TANC2: variants seen among roughly 807,000 people sequenced by gnomAD.
The protein encoded by TANC2 is tetratricopeptide repeat, ankyrin repeat and coiled-coil containing 2.
TANC2 carries 26 observed loss-of-function variants against 210.5 expected under a neutral mutation model. The ratio of observed to expected loss-of-function variants is 0.12; its 90% CI spans 0.09 to 0.17. TANC2 has a LOEUF of 0.17. TANC2 is among the 10% of genes least tolerant of loss of function. The probability of loss-of-function intolerance (pLI) is 1.00; values close to 1 mark genes in which losing one functional copy is unlikely to be tolerated. For synonymous variants in TANC2, 931 were observed against 967.1 expected (o/e 0.96, Z 0.69); for missense variants, 2,129 against 2,608.9 (o/e 0.82, Z 4.01).
chr17:63,167,497 GCTTAT>G (rs971992541), intron 5 of TANC2, among the ~76,000 whole-genome samples: 6 of 151,878 alleles, frequency 4.0e-5, no homozygotes, highest in Admixed American at 2.6e-4. Flanking sequence ...CTTAATTTTT[GCTTAT>G]CTTTAGTTCA....
intron 2 of TANC2, among the ~76,000 whole-genome samples, chr17:63,019,295 G>T (rs1177597296): frequency 1.3e-5 from 2 of 152,114 alleles, no homozygotes; most frequent in African/African-American, 4.8e-5. Context: ...ATGACTCACT[G>T]CAACCTCTGC....
chr17:63,094,176 G>A (rs1331631592), intron 3 of TANC2, among the ~76,000 whole-genome samples: 3 of 151,684 alleles, frequency 2.0e-5, no homozygotes, highest in Admixed American at 2.0e-4. Context: ...AGATACCTTA[G>A]AATTTTTACA....
chr17:63,287,095 G>T (rs1828268325), intron 9 of TANC2, among the ~76,000 whole-genome samples: 12 of 151,966 alleles, frequency 7.9e-5, no homozygotes, highest in Admixed American at 7.9e-4. Flanking sequence ...ACCACACTTG[G>T]CTAATTTTTC....
intron 4 of TANC2, among the ~76,000 whole-genome samples, chr17:63,144,730 C>T (rs1009273725): frequency 1.3e-5 from 2 of 151,908 alleles, no homozygotes; most frequent in Non-Finnish European, 2.9e-5. Context: ...TACTTTGCAG[C>T]TGTGTATTAA....
At chr17:63,314,779 T>A in intron 10 of TANC2, 110 bp downstream of exon 10, 8 of 1,329,588 alleles carry the variant, frequency 6.0e-6, no homozygotes, top group Non-Finnish European at 8.3e-6. Context: ...AAACCTGACT[T>A]CCACGTGAGG....
intron 4 of TANC2, among the ~76,000 whole-genome samples, chr17:63,119,104 A>C (rs1043393455): frequency 1.3e-5 from 2 of 151,802 alleles, no homozygotes; most frequent in Non-Finnish European, 2.9e-5. Context: ...TTTTTAAAAC[A>C]TTTTTATAGA....
intron 1 of TANC2, chr17:62,967,009 C>CG (rs2031381375): frequency 6.6e-6 from 1 of 152,222 alleles, no homozygotes; most frequent in East Asian, 1.9e-4. Context: ...CTCTGGATGA[C>CG]GGGGACCAAG....
At chr17:63,180,914 C>T (rs2040758615) in intron 5 of TANC2, among the ~76,000 whole-genome samples, 1 of 147,900 alleles carries the variant, frequency 6.8e-6, no homozygotes, top group South Asian at 2.1e-4. Context: ...GTCCCAGCTA[C>T]TAGGGAGGCT....
intron 7 of TANC2, among the ~76,000 whole-genome samples, chr17:63,219,845 T>G (rs955256834): frequency 1.3e-5 from 2 of 152,192 alleles, no homozygotes; most frequent in African/African-American, 2.4e-5. Flanking sequence ...AACGACCTGA[T>G]ATTATCATTT....
chr17:63,187,551 T>TTTA (rs1555600758), intron 5 of TANC2, among the ~76,000 whole-genome samples: 6 of 150,994 alleles, frequency 4.0e-5, no homozygotes, highest in South Asian at 2.1e-4. Flanking sequence ...ATTATGTTTT[T>TTTA]TATATATATA....
intron 2 of TANC2, among the ~76,000 whole-genome samples, chr17:63,071,408 T>C (rs926104596): frequency 6.6e-6 from 1 of 152,132 alleles, no homozygotes; most frequent in African/African-American, 2.4e-5. Context: ...CCTCCCACCT[T>C]GGGCTCCCAA....
At chr17:63,242,015 C>CTTGA (rs2042787534) in intron 8 of TANC2, among the ~76,000 whole-genome samples, 1 of 152,106 alleles carries the variant, frequency 6.6e-6, no homozygotes, top group Admixed American at 6.6e-5. Flanking sequence ...TGGTCACCTG[C>CTTGA]TTGAGTCTAG....
At chr17:63,020,616 T>C (rs2034306738) in intron 2 of TANC2, among the ~76,000 whole-genome samples, 1 of 152,240 alleles carries the variant, frequency 6.6e-6, no homozygotes, top group Non-Finnish European at 1.5e-5. Context: ...TTGCTTGATA[T>C]TTGAGTCTGG....
intron 8 of TANC2, among the ~76,000 whole-genome samples, chr17:63,254,843 T>C (rs967108333): frequency 6.6e-6 from 1 of 152,142 alleles, no homozygotes; most frequent in Non-Finnish European, 1.5e-5. Context: ...TCATGGTGAA[T>C]GATCTTTTTA....
At chr17:63,322,569 T>G (rs2045529948) in intron 11 of TANC2, among the ~76,000 whole-genome samples, 1 of 152,250 alleles carries the variant, frequency 6.6e-6, no homozygotes, top group South Asian at 2.1e-4. Flanking sequence ...ACTTCAGTTA[T>G]TCAGTCATTC....
chr17:63,191,071 GT>G (rs1567801228), intron 5 of TANC2, among the ~76,000 whole-genome samples: 2 of 151,918 alleles, frequency 1.3e-5, no homozygotes, highest in African/African-American at 4.8e-5. Flanking sequence ...AGGCAGAGAG[GT>G]TTTATCGTAG....
chr17:63,325,591 C>A (rs947046498), intron 11 of TANC2, among the ~76,000 whole-genome samples: 6 of 152,162 alleles, frequency 3.9e-5, no homozygotes, highest in African/African-American at 1.4e-4. Context: ...CTGTGGAGGG[C>A]AGACAGGGGT....
chr17:63,076,151 T>G (rs900208075), intron 3 of TANC2, among the ~76,000 whole-genome samples: 1 of 152,082 alleles, frequency 6.6e-6, no homozygotes, highest in Non-Finnish European at 1.5e-5. Flanking sequence ...TTCTGGAACT[T>G]CCTCCCCAAA....
At chr17:63,055,983 AAAAAAAAATATATATATATATAT>A (rs1480953072) in intron 2 of TANC2, among the ~76,000 whole-genome samples, 661 of 22,140 alleles carry the variant, frequency 0.03, 12 homozygotes, top group African/African-American at 0.064. Context: ...AAAAAAAAAA[AAAAAAAAATATATATATATATAT>A]ATATATATAT....
Sources: gnomAD v4.1 joint callset for allele counts (sites outside exome capture counted in the v4.1 genomes callset) on GRCh38, gnomAD v4.1.1 for gene constraint, MANE v1.5 for transcripts, NCBI Gene and HGNC (gene_info 2026-07-23, HGNC 2026-07-21) for gene names.